The following TCF12 variants were observed in gnomAD, a reference collection of about 807,000 sequenced individuals.
TCF12 encodes the protein transcription factor 12.
Under a neutral mutation model 86.0 loss-of-function variants are expected in TCF12, and 45 were observed. The ratio of observed to expected loss-of-function variants is 0.52; its 90% CI spans 0.41 to 0.67. The LOEUF is 0.67. Ranked by LOEUF, TCF12 falls within the 30% of genes least tolerant of loss-of-function variation. The probability of loss-of-function intolerance (pLI) is 0.00; values close to 1 mark genes in which losing one functional copy is unlikely to be tolerated. For synonymous variants in TCF12, 330 were observed against 299.6 expected (o/e 1.10, Z -1.05); for missense variants, 881 against 859.9 (o/e 1.02, Z -0.31).
At chr15:57,142,258 G>A (rs1170066027) in intron 5 of TCF12, among the ~76,000 whole-genome samples, 1 of 151,916 alleles carries the variant, frequency 6.6e-6, no homozygotes, top group East Asian at 1.9e-4. Context: ...AATGAATCCT[G>A]TGGTGTTGGA....
intron 8 of TCF12, among the ~76,000 whole-genome samples, chr15:57,203,773 C>T (rs577676038): frequency 2.6e-5 from 4 of 152,226 alleles, no homozygotes; most frequent in East Asian, 1.9e-4. Flanking sequence ...TGTCAGGGCA[C>T]GGTGGCTGTA....
At chr15:57,099,767 A>T (rs532353006) in intron 5 of TCF12, among the ~76,000 whole-genome samples, 1 of 152,098 alleles carries the variant, frequency 6.6e-6, no homozygotes, top group African/African-American at 2.4e-5. Flanking sequence ...CTTATAGTAG[A>T]TTTGTTTTGT....
intron 8 of TCF12, among the ~76,000 whole-genome samples, chr15:57,216,624 C>T (rs1449946400): frequency 6.6e-6 from 1 of 150,854 alleles, no homozygotes; most frequent in East Asian, 1.9e-4. Context: ...AGCACTTGAT[C>T]CATCTATATG....
intron 5 of TCF12, among the ~76,000 whole-genome samples, chr15:57,131,497 A>T (rs1249339950): frequency 6.6e-6 from 1 of 152,140 alleles, no homozygotes; most frequent in Admixed American, 6.5e-5. Context: ...GTCCAATATT[A>T]CTGTTTTTAC....
At chr15:57,072,084 T>C (rs1478143152) in intron 4 of TCF12, among the ~76,000 whole-genome samples, 4 of 152,114 alleles carry the variant, frequency 2.6e-5, no homozygotes, top group African/African-American at 9.7e-5. Context: ...GGATCCAAGG[T>C]GAAAGAGTGA....
intron 5 of TCF12, among the ~76,000 whole-genome samples, chr15:57,143,577 C>A (rs183476136): frequency 8.9e-4 from 135 of 152,130 alleles, no homozygotes; most frequent in Non-Finnish European, 1.6e-3. Flanking sequence ...GGAAAAAAAT[C>A]TTTTAGGTTT....
chr15:57,017,812 G>T (rs2065241751), intron 3 of TCF12, among the ~76,000 whole-genome samples: 1 of 149,442 alleles, frequency 6.7e-6, no homozygotes, highest in African/African-American at 2.4e-5. Flanking sequence ...GGTGACTCTG[G>T]TATGTGGCCT....
At chr15:57,026,254 T>C (rs2065818551) in intron 3 of TCF12, among the ~76,000 whole-genome samples, 1 of 152,232 alleles carries the variant, frequency 6.6e-6, no homozygotes, top group South Asian at 2.1e-4. Context: ...GATAGTGGGC[T>C]GGATTTCACC....
intron 3 of TCF12, among the ~76,000 whole-genome samples, chr15:56,937,631 G>A (rs1166882388): frequency 2.0e-5 from 3 of 151,928 alleles, no homozygotes; most frequent in East Asian, 1.9e-4. Flanking sequence ...TCCAATTCTC[G>A]GAGGGAATGC....
At chr15:57,110,100 C>T (rs1170909253) in intron 5 of TCF12, among the ~76,000 whole-genome samples, 3 of 152,134 alleles carry the variant, frequency 2.0e-5, no homozygotes, top group Non-Finnish European at 4.4e-5. Flanking sequence ...ATACACCTTT[C>T]TCAGCATGCA....
intron 18 of TCF12, among the ~76,000 whole-genome samples, chr15:57,270,983 C>T (rs572149817): frequency 6.6e-6 from 1 of 152,290 alleles, no homozygotes; most frequent in African/African-American, 2.4e-5. Flanking sequence ...GTCTGTTGGC[C>T]TCTACTGGGA....
At chr15:57,054,385 CAA>C (rs1567328477) in intron 3 of TCF12, among the ~76,000 whole-genome samples, 1 of 152,062 alleles carries the variant, frequency 6.6e-6, no homozygotes, top group African/African-American at 2.4e-5. Flanking sequence ...ACCATAAAAA[CAA>C]AAAACCTTTG....
downstream of TCF12, among the ~76,000 whole-genome samples, chr15:57,290,205 TG>T (rs2152180402): frequency 6.6e-6 from 1 of 152,062 alleles, no homozygotes; most frequent in East Asian, 1.9e-4. Flanking sequence ...TAGCCAGCTA[TG>T]GTGGCAGGTG....
chr15:57,231,152 G>T lies in TCF12; in HGVS notation c.580G>T (p.Val194Leu). 1 of 1,606,462 alleles carries T rather than the reference G, an allele frequency of 6.2e-7. No individual in the cohort carries two copies. Among genetic ancestry groups the T allele is most frequent in the East Asian group, 2.2e-5 (1 of 44,766 alleles). ...RKVPPGLPSS[V>L]YAPSPNSDDF... ...ATTAAATGTGCTGTTTAATTTTAAGGTATATGCACCATCCCCAAATTCAGA... is the reference window on the plus strand; with the variant it reads ...ATTAAATGTGCTGTTTAATTTTAAGTTATATGCACCATCCCCAAATTCAGA... The change falls in exon 9 of 21, where the codon GTA becomes TTA. Residue 194 changes from valine (V) to leucine (L), a missense_variant and splice_region_variant. By Grantham distance (32) the Val-to-Leu change is conservative. This residue lies in a region of TCF12 where 766 missense variants were observed against 718.9 expected (regional missense o/e 1.07). Coordinates refer to ENST00000333725, the MANE Select transcript of TCF12 (RefSeq NM_207037.2).
At chr15:56,922,321 G>A (rs567435648) in intron 3 of TCF12, among the ~76,000 whole-genome samples, 2 of 152,036 alleles carry the variant, frequency 1.3e-5, no homozygotes, top group South Asian at 4.1e-4. Flanking sequence ...GTTGCCTACT[G>A]TTCCAGCTTA....
intron 5 of TCF12, among the ~76,000 whole-genome samples, chr15:57,115,607 A>AT (rs1292605890): frequency 3.3e-5 from 5 of 151,954 alleles, no homozygotes; most frequent in African/African-American, 9.7e-5. Context: ...CTAGATTTTA[A>AT]TTTTTTTTCA....
chr15:56,949,571 G>A (rs537176324), intron 3 of TCF12, among the ~76,000 whole-genome samples: 13 of 152,336 alleles, frequency 8.5e-5, no homozygotes, highest in African/African-American at 2.9e-4. Context: ...GAAAAACAGT[G>A]TAAGAAGACC....
At chr15:56,925,394 C>T (rs919340781) in intron 3 of TCF12, among the ~76,000 whole-genome samples, 1 of 152,122 alleles carries the variant, frequency 6.6e-6, no homozygotes, top group Non-Finnish European at 1.5e-5. Context: ...CATTTAAACA[C>T]AAATTCAAGT....
intron 3 of TCF12, among the ~76,000 whole-genome samples, chr15:56,947,398 C>T (rs1172731838): frequency 2.0e-5 from 3 of 152,144 alleles, no homozygotes; most frequent in Admixed American, 6.5e-5. Flanking sequence ...CTCCTCTAGA[C>T]CTCTGCTGTG....
Sources: allele counts gnomAD v4.1 joint callset (sites outside exome capture counted in the v4.1 genomes callset), GRCh38; gene constraint gnomAD v4.1.1; regional missense constraint gnomAD v4.1.1; transcripts MANE v1.5; gene names NCBI Gene and HGNC (gene_info 2026-07-23, HGNC 2026-07-21).